VPS13A: variants seen among roughly 807,000 people sequenced by gnomAD.
VPS13A encodes the protein intermembrane lipid transfer protein VPS13A.
In VPS13A, 264 loss-of-function variants were observed where a neutral mutation model predicts 390.9. That is an observed-to-expected ratio of 0.68 (90% CI 0.61 to 0.75). The LOEUF is 0.75. VPS13A is among the 30% of genes least tolerant of loss of function. The probability of loss-of-function intolerance (pLI) is 0.00; values close to 1 mark genes in which losing one functional copy is unlikely to be tolerated. For missense variants in VPS13A, 3,409 were observed against 3,733.9 expected (o/e 0.91, Z 2.27); for synonymous variants, 1,231 against 1,227.1 (o/e 1.00, Z -0.07).
At position 77,269,793 on chromosome 9, in the gene VPS13A, C is replaced by G. The variant is rs540018668; in HGVS notation, c.2428-3487C>G. Among the ~76,000 whole-genome samples, 27 of 152,064 alleles carry G rather than the reference C, an allele frequency of 1.8e-4. 1 individual carries two copies. The highest frequency in any genetic ancestry group is 3.9e-4 in the Admixed American group (6 of 15,264). On this transcript the variant is annotated intron_variant, in intron 23 of 71. Coordinates refer to ENST00000360280, the MANE Select transcript of VPS13A (RefSeq NM_033305.3). ...TGCCCTTCAAAATTTATATATTGAA[C>G]CCTAATTCTGCTATTTCACATTGTG...
intron 12 of VPS13A, 46 bp downstream of exon 12, chr9:77,220,429 CAT>C: frequency 7.9e-7 from 1 of 1,269,048 alleles, no homozygotes; most frequent in South Asian, 1.3e-5. Flanking sequence ...AAAAATACAA[CAT>C]AAAAATAAAT....
At chr9:77,288,228 A>G (rs1168059290) in intron 31 of VPS13A, among the ~76,000 whole-genome samples, 2 of 151,956 alleles carry the variant, frequency 1.3e-5, no homozygotes, top group African/African-American at 4.8e-5. Flanking sequence ...TATCGATTTT[A>G]TTGATACTTT....
At chr9:77,349,968 T>C (rs1831367731) in intron 52 of VPS13A, among the ~76,000 whole-genome samples, 1 of 152,182 alleles carries the variant, frequency 6.6e-6, no homozygotes, top group African/African-American at 2.4e-5. Context: ...ATAACGATCC[T>C]CAACCCATTT....
At chr9:77,303,440 C>T (rs534306572) in intron 34 of VPS13A, among the ~76,000 whole-genome samples, 3 of 152,152 alleles carry the variant, frequency 2.0e-5, no homozygotes, top group Middle Eastern at 3.4e-3. Context: ...GTGGCCTGCA[C>T]CTCCACACCT....
intron 68 of VPS13A, among the ~76,000 whole-genome samples, chr9:77,385,929 A>T (rs1833662852): frequency 6.6e-6 from 1 of 152,170 alleles, no homozygotes; most frequent in Non-Finnish European, 1.5e-5. Flanking sequence ...AACTGAAAAA[A>T]ATCAGCTTTT....
chr9:77,268,695 T>A (rs1050523076), intron 23 of VPS13A, among the ~76,000 whole-genome samples: 8 of 152,122 alleles, frequency 5.3e-5, no homozygotes, highest in African/African-American at 1.9e-4. Flanking sequence ...ATCCCAGCAC[T>A]TAGGGAGCCC....
At chr9:77,376,805 T>C (rs898638520) in intron 67 of VPS13A, among the ~76,000 whole-genome samples, 1 of 152,066 alleles carries the variant, frequency 6.6e-6, no homozygotes, top group Non-Finnish European at 1.5e-5. Context: ...AACCATGAGA[T>C]TGGATGAGAT....
chr9:77,208,240 A>G (rs898759759), intron 5 of VPS13A, among the ~76,000 whole-genome samples: 4 of 152,114 alleles, frequency 2.6e-5, no homozygotes, highest in African/African-American at 9.7e-5. Flanking sequence ...TCTATAATCT[A>G]TTTATATGTA....
intron 40 of VPS13A, 78 bp downstream of exon 40, chr9:77,317,776 T>G (rs1403702274): frequency 9.0e-7 from 1 of 1,116,780 alleles, no homozygotes; most frequent in Non-Finnish European, 1.3e-6. Context: ...TTATAGCAAG[T>G]CTTTTAATTG....
chr9:77,371,011 C>T lies in VPS13A; in HGVS notation c.8954-15C>T. On this transcript the variant is annotated splice_polypyrimidine_tract_variant and intron_variant, in intron 66 of 71. Coordinates refer to ENST00000360280, the MANE Select transcript of VPS13A (RefSeq NM_033305.3). ...TTCTTGGATGCAATTGTCAAAAACTCTTTTTTCTTTCCAGGAGCTCAAAAA... is the reference window on the plus strand; with the variant it reads ...TTCTTGGATGCAATTGTCAAAAACTTTTTTTTCTTTCCAGGAGCTCAAAAA... 6.2e-7 allele frequency: 1 copy of T among 1,614,044 alleles called. No homozygotes were observed. Among genetic ancestry groups the T allele is most frequent in the South Asian group, 1.1e-5 (1 of 91,082 alleles).
At chr9:77,365,266 A>G (rs928567040) in intron 59 of VPS13A, among the ~76,000 whole-genome samples, 194 bp from the exon 60 acceptor site, 2 of 152,196 alleles carry the variant, frequency 1.3e-5, no homozygotes, top group African/African-American at 2.4e-5. Context: ...AATATAGAAG[A>G]TAATGCTTGT....
intron 52 of VPS13A, among the ~76,000 whole-genome samples, chr9:77,345,953 A>G (rs1563944967): frequency 1.3e-5 from 2 of 152,124 alleles, no homozygotes; most frequent in Admixed American, 6.6e-5. Flanking sequence ...TATCCATATT[A>G]TAAAAATAAT....
At chr9:77,357,138 G>A (rs1431053670) in intron 55 of VPS13A, among the ~76,000 whole-genome samples, 1 of 151,640 alleles carries the variant, frequency 6.6e-6, no homozygotes, top group African/African-American at 2.4e-5. Flanking sequence ...TGGCCAACAT[G>A]GCAAACCCTG....
intron 23 of VPS13A, among the ~76,000 whole-genome samples, chr9:77,272,790 G>C (rs1435299234): frequency 6.6e-6 from 1 of 152,088 alleles, no homozygotes; most frequent in East Asian, 1.9e-4. Flanking sequence ...TTGCTTGGCT[G>C]GGTTGGAAAA....
intron 25 of VPS13A, 36 bp downstream of exon 25, chr9:77,275,688 G>A (rs201629544): frequency 2.5e-4 from 395 of 1,594,674 alleles, no homozygotes; most frequent in Non-Finnish European, 3.1e-4. Context: ...GGCTTAATTT[G>A]TTTGCTGTTT....
Position 77,198,323 on chromosome 9 carries a change from A to G in VPS13A, c.101-1622A>G, listed in dbSNP as rs62573165. Among the ~76,000 whole-genome samples the G allele has an allele frequency of 5.1e-4, 78 of 152,158 alleles. No homozygotes were observed. In the East Asian group the frequency reaches 0.013, roughly 25 times the overall value. ...GAAGTCTCTGATTTTATAAACTGTC[A>G]TAATTTATTGTTCTGTTATGAATGC... On this transcript the variant is annotated intron_variant, in intron 1 of 71. Transcript: ENST00000360280.
intron 53 of VPS13A, among the ~76,000 whole-genome samples, chr9:77,352,621 C>A (rs1251945441): frequency 6.6e-6 from 1 of 152,068 alleles, no homozygotes; most frequent in African/African-American, 2.4e-5. Context: ...CAGACATTCA[C>A]TGTAAAATAT....
chr9:77,200,022 T>C (rs779738921), intron 2 of VPS13A, 34 bp downstream of exon 2: 5 of 1,514,474 alleles, frequency 3.3e-6, no homozygotes, highest in East Asian at 4.5e-5. Context: ...TGTAAAGTTA[T>C]TGCATTTAAT....
At chr9:77,338,940 G>A (rs1830672712) in intron 47 of VPS13A, 1 of 156,250 alleles carries the variant, frequency 6.4e-6, no homozygotes, top group African/African-American at 2.4e-5. Flanking sequence ...GACAAGAGCG[G>A]TTAGGGGACT....
Sources: allele counts gnomAD v4.1 joint callset (sites outside exome capture counted in the v4.1 genomes callset), GRCh38; gene constraint gnomAD v4.1.1; transcripts MANE v1.5; gene names NCBI Gene and HGNC (gene_info 2026-07-23, HGNC 2026-07-21).